NADSYN1: variants seen among roughly 807,000 people sequenced by gnomAD.
NADSYN1 encodes NAD synthetase 1, also known as glutamine-dependent NAD(+) synthetase.
In NADSYN1, 80 loss-of-function variants were observed where a neutral mutation model predicts 99.3. The observed-to-expected ratio is 0.81, with a 90% CI of 0.67 to 0.97. The LOEUF (loss-of-function observed/expected upper bound fraction) is 0.97. Ranked by LOEUF, NADSYN1 falls within the 50% of genes least tolerant of loss-of-function variation. The pLI is 0.00. For synonymous variants in NADSYN1, 385 were observed against 372.1 expected (o/e 1.03, Z -0.40); for missense variants, 859 against 948.5 (o/e 0.91, Z 1.24).
intron 2 of NADSYN1, among the ~76,000 whole-genome samples, chr11:71,456,985 C>T (rs1035473107): frequency 2.0e-5 from 3 of 152,260 alleles, no homozygotes; most frequent in Non-Finnish European, 4.4e-5. Context: ...CTAGAAAAGT[C>T]AGCAGTTTCC....
rs1949727773 is a variant in NADSYN1, at chr11:71,484,314, A to G, written c.1322A>G (p.His441Arg). The change falls in exon 15 of 21, where the codon CAC becomes CGC. Residue 441 changes from histidine (H) to arginine (R), a missense_variant and splice_region_variant. Transcript: ENST00000319023. ...ARELAQQIGS[H>R]HISLNIDPAV... ...AACGCCTATCCTTCTCCTTCCAGCC[A>G]CCACATCAGTCTCAACATCGATCCA... is the stretch of plus-strand genomic sequence containing the variant. 1 of 1,613,046 alleles carries G rather than the reference A, an allele frequency of 6.2e-7. No homozygotes were observed. The highest frequency in any genetic ancestry group is 1.7e-5 in the Admixed American group (1 of 59,972).
Position 71,478,446 on chromosome 11 carries a change from G to C in NADSYN1, c.850G>C (p.Glu284Gln). ...DLEDVRSYRA[E>Q]ISSRNLAASR... ...GGAGGACGTCCGGAGCTACAGGGCGGAGATTTCATCTCGAAACCTGGCGGT... is the reference window on the plus strand; with the variant it reads ...GGAGGACGTCCGGAGCTACAGGGCGCAGATTTCATCTCGAAACCTGGCGGT... Residue 284 changes from glutamate to glutamine, a missense_variant, in exon 10 of 21, where the codon GAG becomes CAG. By Grantham distance (29) the Glu-to-Gln change is conservative (BLOSUM62 2). Coordinates refer to ENST00000319023, the MANE Select transcript of NADSYN1 (RefSeq NM_018161.5). The C allele has an allele frequency of 1.9e-6, 3 of 1,608,666 alleles. No homozygotes were observed. The highest frequency in any genetic ancestry group is 2.5e-6 in the Non-Finnish European group (3 of 1,177,696).
Position 71,472,437 on chromosome 11 carries a change from T to G in NADSYN1, c.408-12T>G, listed in dbSNP as rs1472246327. On this transcript the variant is annotated splice_polypyrimidine_tract_variant and intron_variant, in intron 5 of 20. Transcript: ENST00000319023. ...ATGCTCATCCTCAGCTCCTCGGTGT[T>G]TTCCTCTCCAGGCACACAGAGGAGT... is the stretch of plus-strand genomic sequence containing the variant. 3 of 1,607,190 alleles carry G rather than the reference T, an allele frequency of 1.9e-6. No individual in the cohort carries two copies. In the East Asian group the frequency reaches 6.7e-5, roughly 36 times the overall value.
chr11:71,491,208 G>A (rs1010531621), intron 17 of NADSYN1, among the ~76,000 whole-genome samples: 4 of 152,278 alleles, frequency 2.6e-5, no homozygotes, highest in African/African-American at 9.6e-5. Flanking sequence ...TGCCTCCCCC[G>A]CCTGCCCTGC....
intron 9 of NADSYN1, chr11:71,477,032 C>T: frequency 9.3e-7 from 1 of 1,075,024 alleles, no homozygotes; most frequent in Non-Finnish European, 1.1e-6. Flanking sequence ...TCCACCAGGT[C>T]CTCCGTGGTG....
intron 18 of NADSYN1, among the ~76,000 whole-genome samples, chr11:71,492,127 G>A (rs892383610): frequency 5.9e-5 from 9 of 152,202 alleles, no homozygotes; most frequent in Non-Finnish European, 8.8e-5. Context: ...GACATGGTGG[G>A]AGGGGAGGGA....
At chr11:71,492,605 A>G (rs1949789758) in intron 18 of NADSYN1, among the ~76,000 whole-genome samples, 1 of 152,140 alleles carries the variant, frequency 6.6e-6, no homozygotes, top group Non-Finnish European at 1.5e-5. Flanking sequence ...ATTCTGTTCC[A>G]TAGATCTTTT....
chr11:71,476,586 C>A, intron 9 of NADSYN1: 2 of 922,136 alleles, frequency 2.2e-6, no homozygotes, highest in Non-Finnish European at 2.6e-6. Flanking sequence ...GCCGTCTCGA[C>A]TCCAGGCCCT....
At chr11:71,480,492 G>C (rs12574206) in intron 10 of NADSYN1, among the ~76,000 whole-genome samples, 12,631 of 152,186 alleles carry the variant, frequency 0.083, 628 homozygotes, top group African/African-American at 0.14. Context: ...CCTTTGAGGA[G>C]CTGCCAGAGC....
intron 8 of NADSYN1, 141 bp from the exon 9 acceptor site, chr11:71,474,254 C>A: frequency 9.1e-7 from 1 of 1,097,710 alleles, no homozygotes; most frequent in Non-Finnish European, 1.3e-6. Flanking sequence ...TGCTTCCCCA[C>A]ACATATGCGT....
rs550150545 is a variant in NADSYN1 at position 71,457,650 on chromosome 11, G to A, written c.147-778G>A. Reference sequence around the variant, plus strand: ...AGTCCAAAATCAGGATGGCAGCAGCGTCTGGCTCCCTCCGAAGGCTCTTGG... The same window carrying A: ...AGTCCAAAATCAGGATGGCAGCAGCATCTGGCTCCCTCCGAAGGCTCTTGG... On this transcript the variant is annotated intron_variant, in intron 2 of 20. Coordinates refer to ENST00000319023, the MANE Select transcript of NADSYN1 (RefSeq NM_018161.5). Among the ~76,000 whole-genome samples, 101 of 152,312 alleles carry A rather than the reference G, an allele frequency of 6.6e-4. 1 individual carries two copies. The highest frequency in any genetic ancestry group is 6.0e-4 in the African/African-American group (25 of 41,570).
At chr11:71,460,291 G>T (rs1170874774) in intron 3 of NADSYN1, 1 of 152,276 alleles carries the variant, frequency 6.6e-6, no homozygotes, top group African/African-American at 2.4e-5. Flanking sequence ...CGACCACAAG[G>T]ACTTACTCTA....
Position 71,464,073 on chromosome 11 carries a change from C to G in NADSYN1, c.338C>G (p.Pro113Arg). ...FLNRKILLIRPKMALANEGNY... is the reference protein window; with the variant it reads ...FLNRKILLIRRKMALANEGNY... ...TGCAGGAAGATCCTGCTCATCAGACCCAAGATGGCCTTGGCCAATGAAGGC... is the reference window on the plus strand; with the variant it reads ...TGCAGGAAGATCCTGCTCATCAGACGCAAGATGGCCTTGGCCAATGAAGGC... Residue 113 changes from proline (P) to arginine (R), a missense_variant, in exon 5 of 21, where the codon CCC (proline) becomes CGC (arginine). By Grantham distance (103) the Pro-to-Arg change is moderately radical. Coordinates refer to ENST00000319023, the MANE Select transcript of NADSYN1 (RefSeq NM_018161.5). The G allele has an allele frequency of 1.2e-6, 2 of 1,612,392 alleles. No individual in the cohort carries two copies. The highest frequency in any genetic ancestry group is 1.1e-5 in the South Asian group (1 of 90,566).
At chr11:71,476,345 GT>G (rs1337769200) in intron 9 of NADSYN1, 1 of 352,830 alleles carries the variant, frequency 2.8e-6, no homozygotes, top group African/African-American at 2.1e-5. Context: ...GCGAGCTTGT[GT>G]CCTGGCGTCG....
chr11:71,474,348 G>A (rs1378758132), intron 8 of NADSYN1, 47 bp from the exon 9 acceptor site: 2 of 1,611,386 alleles, frequency 1.2e-6, no homozygotes, highest in Admixed American at 3.3e-5. Context: ...GCAGGTGAGG[G>A]TGGTGGACAC....
chr11:71,477,441 A>G (rs1949676581), intron 9 of NADSYN1: 1 of 1,289,562 alleles, frequency 7.8e-7, no homozygotes, highest in African/African-American at 1.5e-5. Flanking sequence ...CCGGCCAGGT[A>G]TGGCCCCCTG....
At chr11:71,481,555 G>GCGC in intron 12 of NADSYN1, 151 bp downstream of exon 12, 1 of 819,158 alleles carries the variant, frequency 1.2e-6, no homozygotes, top group African/African-American at 1.7e-5. Context: ...AGCTTAGTCT[G>GCGC]TGCTAGCCAG....
At chr11:71,489,674 A>G (rs535441336) in intron 16 of NADSYN1, among the ~76,000 whole-genome samples, 1 of 152,212 alleles carries the variant, frequency 6.6e-6, no homozygotes, top group Non-Finnish European at 1.5e-5. Flanking sequence ...GCCCTCACTG[A>G]AGGCAGCACA....
At chr11:71,474,934 C>T in intron 9 of NADSYN1, 1 of 300,024 alleles carries the variant, frequency 3.3e-6, no homozygotes, top group South Asian at 3.1e-5. Flanking sequence ...TGCGTTCCCA[C>T]AGTGCGGGAG....
Sources: allele counts gnomAD v4.1 joint callset (sites outside exome capture counted in the v4.1 genomes callset), GRCh38; gene constraint gnomAD v4.1.1; transcripts MANE v1.5; gene names NCBI Gene and HGNC (gene_info 2026-07-23, HGNC 2026-07-21).